The following PIP4P2 variants were observed in gnomAD, a reference collection of about 807,000 sequenced individuals.
PIP4P2 encodes the protein phosphatidylinositol-4,5-bisphosphate 4-phosphatase 2, also known as type 2 phosphatidylinositol 4,5-bisphosphate 4-phosphatase.
Under a neutral mutation model 33.3 loss-of-function variants are expected in PIP4P2, and 19 were observed. The ratio of observed to expected loss-of-function variants is 0.57; its 90% CI spans 0.40 to 0.84. PIP4P2 has a LOEUF of 0.84. Ranked by LOEUF, PIP4P2 falls within the 40% of genes least tolerant of loss-of-function variation. The probability of loss-of-function intolerance (pLI) is 0.00; values close to 1 mark genes in which losing one functional copy is unlikely to be tolerated. For missense variants in PIP4P2, 270 were observed against 324.7 expected (o/e 0.83, Z 1.29); for synonymous variants, 110 against 111.9 (o/e 0.98, Z 0.11).
chr8:91,015,522 C>T (rs1169986390), intron 4 of PIP4P2, among the ~76,000 whole-genome samples: 1 of 152,094 alleles, frequency 6.6e-6, no homozygotes. Flanking sequence ...AAGAAGAATA[C>T]CTCAGAAAAA....
At chr8:91,003,326 A>C (rs1374620399) in intron 5 of PIP4P2, among the ~76,000 whole-genome samples, 1 of 152,220 alleles carries the variant, frequency 6.6e-6, no homozygotes, top group African/African-American at 2.4e-5. Flanking sequence ...GAGATGCTGA[A>C]TACATGAACT....
At chr8:91,017,896 T>C (rs936953956) in intron 4 of PIP4P2, among the ~76,000 whole-genome samples, 19 of 152,246 alleles carry the variant, frequency 1.2e-4, no homozygotes, top group African/African-American at 4.3e-4. Flanking sequence ...TACTTTCTTA[T>C]TCTTTATCTA....
intron 1 of PIP4P2, among the ~76,000 whole-genome samples, chr8:91,024,942 C>A (rs1447944731): frequency 3.9e-5 from 6 of 151,972 alleles, no homozygotes; most frequent in Non-Finnish European, 8.8e-5. Flanking sequence ...GAAAACAAAC[C>A]CAGAAATTCT....
At chr8:91,006,044 T>C (rs1811758882) in intron 5 of PIP4P2, among the ~76,000 whole-genome samples, 1 of 152,202 alleles carries the variant, frequency 6.6e-6, no homozygotes, top group South Asian at 2.1e-4. Flanking sequence ...TAAAAGCACA[T>C]AACACACTTG....
intron 1 of PIP4P2, among the ~76,000 whole-genome samples, chr8:91,035,426 A>G (rs776862738): frequency 6.6e-6 from 1 of 152,218 alleles, no homozygotes; most frequent in Non-Finnish European, 1.5e-5. Context: ...ACTAACTTCA[A>G]AAGACATTTT....
At chr8:91,000,112 T>C (rs1205534313) in intron 5 of PIP4P2, among the ~76,000 whole-genome samples, 1 of 152,044 alleles carries the variant, frequency 6.6e-6, no homozygotes, top group African/African-American at 2.4e-5. Flanking sequence ...AAAACTAAAG[T>C]CAATTATTAA....
In PIP4P2 at chr8:90,995,533, G is replaced by A. The variant is rs546645345; in HGVS notation, c.*144C>T. 2,402 of 1,007,118 alleles carry A rather than the reference G, an allele frequency of 2.4e-3. 8 individuals carry two copies. Among genetic ancestry groups the A allele is most frequent in the Non-Finnish European group, 3.1e-3 (2,311 of 743,914 alleles). 62.4% of individuals were successfully genotyped at this position (1,007,118 alleles called of 1,614,324 possible). On this transcript the variant is annotated 3_prime_UTR_variant, in exon 7 of 7. Coordinates refer to ENST00000285419, the MANE Select transcript of PIP4P2 (RefSeq NM_018710.3). ...ATATAATATAGTGCAATGAGCATTT[G>A]TTCATAAAAGACTCCCAAAGTCTTG...
intron 4 of PIP4P2, among the ~76,000 whole-genome samples, chr8:91,010,990 C>T (rs1224261374): frequency 7.3e-6 from 1 of 136,894 alleles, no homozygotes; most frequent in African/African-American, 2.7e-5. Context: ...TTGCTTAAAA[C>T]TAATAATTTA....
intron 3 of PIP4P2, 23 bp downstream of exon 3, chr8:91,020,134 A>G: frequency 5.0e-6 from 8 of 1,606,058 alleles, no homozygotes; most frequent in Non-Finnish European, 6.8e-6. Context: ...GAATGAATCA[A>G]TGAATTAATC....
At chr8:91,029,055 G>A (rs1812121375) in intron 1 of PIP4P2, among the ~76,000 whole-genome samples, 1 of 152,124 alleles carries the variant, frequency 6.6e-6, no homozygotes, top group South Asian at 2.1e-4. Context: ...CACTTTGGGA[G>A]ACCAAGGTGG....
chr8:91,016,101 C>T (rs193093535), intron 4 of PIP4P2, among the ~76,000 whole-genome samples: 551 of 152,196 alleles, frequency 3.6e-3, no homozygotes, highest in African/African-American at 8.6e-3. Flanking sequence ...CCTAATTAGA[C>T]GGAGACGAAA....
At chr8:91,011,629 G>A (rs1234124702) in intron 4 of PIP4P2, among the ~76,000 whole-genome samples, 1 of 151,878 alleles carries the variant, frequency 6.6e-6, no homozygotes, top group South Asian at 2.1e-4. Flanking sequence ...AATTCCCAAC[G>A]AACATGGAAC....
At chr8:90,996,773 A>G (rs1387649733) in intron 5 of PIP4P2, 29 bp from the exon 6 acceptor site, 4 of 1,541,784 alleles carry the variant, frequency 2.6e-6, no homozygotes, top group East Asian at 2.4e-5. Flanking sequence ...AAAAGAGAAC[A>G]TTAAGTATTT....
chr8:91,020,506 TA>T (rs1811993290), intron 2 of PIP4P2, among the ~76,000 whole-genome samples: 1 of 152,066 alleles, frequency 6.6e-6, no homozygotes, highest in Non-Finnish European at 1.5e-5. Flanking sequence ...GAGAAAAAAA[TA>T]AAACATCAAA....
Position 91,021,416 on chromosome 8 carries a change from T to C in PIP4P2, c.107-12A>G, listed in dbSNP as rs772450402. The C allele has an allele frequency of 2.5e-6, 4 of 1,612,712 alleles. No individual in the cohort carries two copies. The highest frequency in any genetic ancestry group is 4.5e-5 in the East Asian group (2 of 44,880). On this transcript the variant is annotated splice_polypyrimidine_tract_variant and intron_variant, in intron 1 of 6. Coordinates refer to ENST00000285419, the MANE Select transcript of PIP4P2 (RefSeq NM_018710.3). The stretch of plus-strand genomic sequence containing the variant: ...AGGTGGGAGCTCCGCTGAAAAGATA[T>C]TAGTCACTGAATCAGAGTCTTGGAG...
intron 1 of PIP4P2, 42 bp downstream of exon 1, chr8:91,040,602 A>G: frequency 6.2e-7 from 1 of 1,606,086 alleles, no homozygotes; most frequent in Non-Finnish European, 8.5e-7. Flanking sequence ...TTCCTTGCAA[A>G]TCTACTTCCT....
chr8:91,034,064 ATC>A (rs143234631), intron 1 of PIP4P2, among the ~76,000 whole-genome samples: 7,625 of 152,026 alleles, frequency 0.05, 255 homozygotes, highest in Middle Eastern at 0.15. Context: ...GGTGATTGCT[ATC>A]TCTGAGTTGT....
At chr8:91,038,608 C>T (rs945807446) in intron 1 of PIP4P2, among the ~76,000 whole-genome samples, 1 of 152,164 alleles carries the variant, frequency 6.6e-6, no homozygotes, top group African/African-American at 2.4e-5. Flanking sequence ...GCACATTGTG[C>T]TTCCCAATAA....
chr8:91,033,984 T>C (rs868210011), intron 1 of PIP4P2, among the ~76,000 whole-genome samples: 1 of 152,148 alleles, frequency 6.6e-6, no homozygotes, highest in Middle Eastern at 3.4e-3. Flanking sequence ...ATACTTGCTG[T>C]TCCCGTTGCC....
Sources: gnomAD v4.1 joint callset for allele counts (sites outside exome capture counted in the v4.1 genomes callset) on GRCh38, gnomAD v4.1.1 for gene constraint, MANE v1.5 for transcripts, NCBI Gene and HGNC (gene_info 2026-07-23, HGNC 2026-07-21) for gene names.